The following INPP4B variants were observed in gnomAD, a reference collection of about 807,000 sequenced individuals.
The protein encoded by INPP4B is inositol polyphosphate-4-phosphatase type II B, also known as inositol polyphosphate 4-phosphatase type II.
A neutral mutation model predicts 122.5 loss-of-function variants in INPP4B; 55 were observed. That is an observed-to-expected ratio of 0.45 (90% CI 0.36 to 0.56). The LOEUF (loss-of-function observed/expected upper bound fraction) is 0.56, where lower values mean the gene tolerates loss of function less well. INPP4B is among the 20% of genes least tolerant of loss of function. INPP4B has a pLI of 0.00. For missense variants in INPP4B, 1,000 were observed against 1,097.7 expected, an observed-to-expected ratio of 0.91 and a Z score of 1.26; for synonymous variants, 403 against 388.7, an observed-to-expected ratio of 1.04 and a Z score of -0.43.
At chr4:142,575,233 GA>G (rs200621168) in intron 2 of INPP4B, among the ~76,000 whole-genome samples, 1 of 146,706 alleles carries the variant, frequency 6.8e-6, no homozygotes. Flanking sequence ...AAGGAAAAAA[GA>G]AAAAAAAAGG....
At chr4:142,525,854 A>G (rs1039555641) in intron 2 of INPP4B, among the ~76,000 whole-genome samples, 6 of 151,078 alleles carry the variant, frequency 4.0e-5, no homozygotes, top group Admixed American at 1.3e-4. Context: ...CTAAAACACC[A>G]AAAGCAATGG....
intron 3 of INPP4B, among the ~76,000 whole-genome samples, chr4:142,437,007 A>G (rs1238530893): frequency 6.6e-6 from 1 of 152,116 alleles, no homozygotes; most frequent in Non-Finnish European, 1.5e-5. Context: ...AAAGAAGCTA[A>G]GAACCATGAT....
chr4:142,405,984 G>T (rs1196852670), intron 5 of INPP4B, among the ~76,000 whole-genome samples: 1 of 151,952 alleles, frequency 6.6e-6, no homozygotes, highest in Non-Finnish European at 1.5e-5. Flanking sequence ...GAGACACCAG[G>T]CTCATATTAC....
Position 142,193,111 on chromosome 4 carries a change from T to G in INPP4B, c.1157A>C (p.His386Pro). ...FKNGGLRKLL[H>P]RFETERRNTG... is the part of the protein sequence containing the mutation. ...CTTTCTTCTTTCTGTTTCAAATCTATGGAGTAGCTTCCGAAGACCACCATT... is the reference window on the plus strand; with the variant it reads ...CTTTCTTCTTTCTGTTTCAAATCTAGGGAGTAGCTTCCGAAGACCACCATT... The change falls in exon 15 of 26, where the codon CAT (histidine) becomes CCT (proline). Residue 386 changes from histidine (H) to proline (P), a missense_variant. His to Pro is a moderately conservative substitution (Grantham distance 77). Transcript: ENST00000262992. 6.2e-7 allele frequency: 1 copy of G among 1,609,864 alleles called. No individual in the cohort carries two copies. The highest frequency in any genetic ancestry group is 8.5e-7 in the Non-Finnish European group (1 of 1,176,124).
At chr4:142,171,182 TG>T (rs1239757227) in intron 16 of INPP4B, among the ~76,000 whole-genome samples, 2 of 151,714 alleles carry the variant, frequency 1.3e-5, no homozygotes, top group African/African-American at 4.8e-5. Context: ...TTCACTGCCC[TG>T]GGCTGCCCTC....
At chr4:142,471,901 T>C (rs970568647) in intron 2 of INPP4B, among the ~76,000 whole-genome samples, 4 of 152,116 alleles carry the variant, frequency 2.6e-5, no homozygotes, top group African/African-American at 9.7e-5. Context: ...ATATGTTATA[T>C]AATAATATTT....
chr4:142,806,511 G>C (rs998573979), intron 1 of INPP4B, among the ~76,000 whole-genome samples: 3 of 151,802 alleles, frequency 2.0e-5, no homozygotes, highest in African/African-American at 4.8e-5. Flanking sequence ...GGAGGCCAAG[G>C]GGGGTGAATC....
At chr4:142,491,431 A>G (rs1472958315) in intron 2 of INPP4B, among the ~76,000 whole-genome samples, 1 of 152,186 alleles carries the variant, frequency 6.6e-6, no homozygotes, top group Non-Finnish European at 1.5e-5. Context: ...AGGCAGGTGA[A>G]TCATCTGAGG....
chr4:142,260,606 ATC>A (rs2150385410), intron 10 of INPP4B, 42 bp from the exon 11 acceptor site: 4 of 1,246,988 alleles, frequency 3.2e-6, no homozygotes, highest in Non-Finnish European at 4.6e-6. Flanking sequence ...TTTGAGAACA[ATC>A]AAAATAAGGA....
At chr4:142,387,880 TC>T (rs1456262892) in intron 7 of INPP4B, among the ~76,000 whole-genome samples, 2 of 152,132 alleles carry the variant, frequency 1.3e-5, no homozygotes, top group Admixed American at 1.3e-4. Flanking sequence ...AGCAAACTGG[TC>T]AGTCATGTCC....
chr4:142,026,143 T>G lies in INPP4B; in HGVS notation c.*2639A>C, dbSNP rs1736930344. The G allele has an allele frequency of 6.6e-6, 1 of 152,198 alleles. No homozygotes were observed. The highest frequency in any genetic ancestry group is 2.4e-5 in the African/African-American group (1 of 41,454). 9.4% of individuals were successfully genotyped at this position (152,198 alleles called of 1,614,324 possible). A position where few individuals can be genotyped will look rare whatever the true frequency, so the allele number is the denominator to read the frequency against. ...CTCCTAAAATAGGTCTGCTGGTGTA[T>G]CTTTTAAGTGAAAATATAGATAGAA... On this transcript the variant is annotated 3_prime_UTR_variant, in exon 26 of 26. Coordinates refer to ENST00000262992, the MANE Select transcript of INPP4B (RefSeq NM_001101669.3).
intron 9 of INPP4B, 101 bp from the exon 10 acceptor site, chr4:142,270,875 T>G: frequency 1.3e-6 from 1 of 761,084 alleles, no homozygotes; most frequent in Non-Finnish European, 2.3e-6. Context: ...CATTGTTATT[T>G]ACTTAATAAG....
intron 2 of INPP4B, among the ~76,000 whole-genome samples, chr4:142,530,479 A>T (rs1440568241): frequency 6.6e-6 from 1 of 151,902 alleles, no homozygotes; most frequent in Non-Finnish European, 1.5e-5. Flanking sequence ...AGTGGAAGGA[A>T]AAATGGAATA....
intron 2 of INPP4B, among the ~76,000 whole-genome samples, chr4:142,668,814 C>A (rs553930444): frequency 1.3e-5 from 2 of 151,220 alleles, no homozygotes; most frequent in Non-Finnish European, 2.9e-5. Context: ...TTTGGGAGGC[C>A]GAGGTGGGCA....
intron 9 of INPP4B, among the ~76,000 whole-genome samples, chr4:142,295,392 G>T (rs113725502): frequency 2.0e-5 from 3 of 152,150 alleles, no homozygotes; most frequent in African/African-American, 7.2e-5. Flanking sequence ...TGGGGAATTG[G>T]GGGGTGAGTG....
At chr4:142,640,378 T>G (rs1750125477) in intron 2 of INPP4B, among the ~76,000 whole-genome samples, 2 of 152,124 alleles carry the variant, frequency 1.3e-5, no homozygotes, top group South Asian at 4.1e-4. Flanking sequence ...ATAAATGGAA[T>G]AATTAATATA....
In INPP4B at chr4:142,644,148, G is replaced by C. The variant is rs145205875; in HGVS notation, c.-191+81691C>G. 1.2e-3 allele frequency among the ~76,000 whole-genome samples: 183 copies of C among 151,880 alleles called. No homozygotes were observed. In the Middle Eastern group the frequency reaches 0.017, roughly 14 times the overall value. On this transcript the variant is annotated intron_variant, in intron 2 of 25. Coordinates refer to ENST00000262992, the MANE Select transcript of INPP4B (RefSeq NM_001101669.3). ...CAAGGGTTGGAGGCTATAGTGAGCT[G>C]TGACTACACCACTGCACTCCAGCAG...
At chr4:142,184,888 T>C (rs1053159805) in intron 15 of INPP4B, among the ~76,000 whole-genome samples, 1 of 152,148 alleles carries the variant, frequency 6.6e-6, no homozygotes, top group Non-Finnish European at 1.5e-5. Context: ...CACATGTATA[T>C]ATTATTGCAC....
intron 15 of INPP4B, among the ~76,000 whole-genome samples, chr4:142,179,567 A>ATGATGCTAATAGGAAAAG (rs11271464): frequency 1.3e-5 from 2 of 151,850 alleles, no homozygotes; most frequent in African/African-American, 4.8e-5. Context: ...TCTGTGAAAA[A>ATGATGCTAATAGGAAAAG]AAAAACATTC....
Sources: gnomAD v4.1 joint callset for allele counts (sites outside exome capture counted in the v4.1 genomes callset) on GRCh38, gnomAD v4.1.1 for gene constraint, MANE v1.5 for transcripts, NCBI Gene and HGNC (gene_info 2026-07-23, HGNC 2026-07-21) for gene names.